Variants in PSG4 observed in about 807,000 individuals in gnomAD.
PSG4 encodes the protein pregnancy-specific beta-1-glycoprotein 4.
A neutral mutation model predicts 44.3 loss-of-function variants in PSG4; 61 were observed. That is an observed-to-expected ratio of 1.38 (90% confidence interval 1.12 to 1.70). The LOEUF is 1.70. Among genes scored for constraint, PSG4 ranks in the 40% most tolerant of loss-of-function variants. PSG4 has a pLI of 0.00. For missense variants in PSG4, 677 were observed against 511.7 expected, an observed-to-expected ratio of 1.32 and a Z score of -3.12; for synonymous variants, 248 against 191.3, an observed-to-expected ratio of 1.30 and a Z score of -2.45.
chr19:43,203,927 C>T lies in PSG4; in HGVS notation c.389G>A (p.Gly130Glu), dbSNP rs775902373. 1 of 1,585,140 alleles carries T rather than the reference C, an allele frequency of 6.3e-7. No individual in the cohort carries two copies. The highest frequency in any genetic ancestry group is 1.4e-5 in the African/African-American group (1 of 69,426). The change falls in exon 2 of 6, where the codon GGG becomes GAG. Residue 130 changes from glycine (G) to glutamate (E), a missense_variant. Physicochemically the swap from Gly to Glu is moderately conservative, Grantham distance 98. Transcript: ENST00000405312. ...YTLHIIKRRD[G>E]TGGVTGHFTF... is the part of the protein sequence containing the mutation. ...GAAATGTCCAGTTACTCCTCCAGTC[C>T]CATCGCGTCGCTTTATGATGTGTAA...
chr19:43,204,734 C>T (rs1322389472), intron 1 of PSG4: 2 of 304,132 alleles, frequency 6.6e-6, no homozygotes, highest in Non-Finnish European at 1.2e-5. Flanking sequence ...AGGACAGGGA[C>T]TTTTGTGATC....
intron 3 of PSG4, 132 bp from the exon 4 acceptor site, chr19:43,195,405 T>C (rs1967199710): frequency 7.0e-7 from 1 of 1,425,886 alleles, no homozygotes; most frequent in East Asian, 2.3e-5. Context: ...CTGGTGCTTC[T>C]GTCACAAGAT....
intron 2 of PSG4, among the ~76,000 whole-genome samples, chr19:43,199,400 T>C (rs535256597): frequency 2.7e-5 from 4 of 145,722 alleles, no homozygotes; most frequent in East Asian, 4.7e-4. Context: ...CCTGTACAGC[T>C]TCATGCCTAT....
At chr19:43,203,775 G>T in intron 2 of PSG4, 111 bp downstream of exon 2, 1 of 1,502,716 alleles carries the variant, frequency 6.7e-7, no homozygotes. Flanking sequence ...CCCAGCATGG[G>T]ACTTAATGCA....
chr19:43,198,405 T>C, intron 2 of PSG4, 130 bp from the exon 3 acceptor site: 1 of 1,420,156 alleles, frequency 7.0e-7, no homozygotes, highest in Non-Finnish European at 9.3e-7. Flanking sequence ...GGAAGATGTG[T>C]GTGTTAAAGA....
At position 43,204,066 on chromosome 19, in the gene PSG4, C is replaced by G; in HGVS notation, c.250G>C (p.Val84Leu). ...YLYHYITSYVVDGQRIIYGPA... is the reference protein window; with the variant it reads ...YLYHYITSYVLDGQRIIYGPA... ...CCATATATAATTCTTTGACCGTCTA[C>G]TACATATGATGTAATGTAATGGTAG... is the stretch of plus-strand genomic sequence containing the variant. Residue 84 changes from valine to leucine, a missense_variant, in exon 2 of 6, where the codon GTA becomes CTA. Physicochemically the swap from Val to Leu is conservative, Grantham distance 32. Coordinates refer to ENST00000405312, the MANE Select transcript of PSG4 (RefSeq NM_002780.5). The G allele has an allele frequency of 6.3e-7, 1 of 1,586,274 alleles. No homozygotes were observed. Among genetic ancestry groups the G allele is most frequent in the Non-Finnish European group, 8.5e-7 (1 of 1,170,544 alleles).
intron 5 of PSG4, chr19:43,193,914 G>T (rs1337296313): frequency 5.6e-6 from 4 of 718,980 alleles, no homozygotes; most frequent in Non-Finnish European, 1.0e-5. Flanking sequence ...TTCTGGGGCA[G>T]TCAGGTAGAG....
In PSG4 at chr19:43,204,240, T is replaced by A; in HGVS notation, c.76A>T (p.Asn26Tyr). 6.3e-7 allele frequency: 1 copy of A among 1,576,004 alleles called. No homozygotes were observed. Among genetic ancestry groups the A allele is most frequent in the Non-Finnish European group, 8.6e-7 (1 of 1,165,520 alleles). Residue 26 changes from asparagine (N) to tyrosine (Y), a missense_variant, in exon 2 of 6, where the codon AAC becomes TAC. Physicochemically the swap from Asn to Tyr is moderately radical, Grantham distance 143 (BLOSUM62 -2). Transcript: ENST00000405312. Reference sequence around the variant, plus strand: ...GCAGTTGTGGGCGGATTCCAGAAGTTTAAAAGTGATGCTAGGAGGTACAGA... The same window carrying A: ...GCAGTTGTGGGCGGATTCCAGAAGTATAAAAGTGATGCTAGGAGGTACAGA... ...KGVLLTASLLNFWNPPTTAQV... is the reference protein window; with the variant it reads ...KGVLLTASLLYFWNPPTTAQV...
At position 43,198,168 on chromosome 19, in the gene PSG4, A is replaced by C. The variant is rs757503957; in HGVS notation, c.538T>G (p.Trp180Gly). The C allele has an allele frequency of 6.3e-7, 1 of 1,587,894 alleles. No individual in the cohort carries two copies. Among genetic ancestry groups the C allele is most frequent in the Non-Finnish European group, 8.5e-7 (1 of 1,171,936 alleles). The change falls in exon 3 of 6, where the codon TGG becomes GGG. Residue 180 changes from tryptophan (W) to glycine (G), a missense_variant. Trp to Gly is a radical substitution (Grantham distance 184). Transcript: ENST00000405312. ...GGGAGGCTCTGACCATTCATCCACC[A>C]CTGGTAGCTTGCGGCTGGAGTCGCA... ...DPATPAASYQ[W>G]WMNGQSLPMT...
At chr19:43,201,518 G>A (rs1461139167) in intron 2 of PSG4, among the ~76,000 whole-genome samples, 4 of 145,128 alleles carry the variant, frequency 2.8e-5, no homozygotes, top group Admixed American at 6.8e-5. Context: ...TCTGGCAACC[G>A]GCTGACCTCA....
chr19:43,195,670 G>C lies in PSG4; in HGVS notation c.710-397C>G, dbSNP rs533448555. Among the ~76,000 whole-genome samples the C allele has an allele frequency of 1.1e-3, 173 of 151,462 alleles. 9 individuals carry two copies. The highest frequency in any genetic ancestry group is 3.9e-3 in the African/African-American group (162 of 41,168). ...TCCATCCTCCTTTGCCCCCCTAGATGAGATTTCTCTGCAGCTTCCATTTCA... is the reference window on the plus strand; with the variant it reads ...TCCATCCTCCTTTGCCCCCCTAGATCAGATTTCTCTGCAGCTTCCATTTCA... On this transcript the variant is annotated intron_variant, in intron 3 of 5. Coordinates refer to ENST00000405312, the MANE Select transcript of PSG4 (RefSeq NM_002780.5).
chr19:43,194,339 C>G lies in PSG4; in HGVS notation c.1243+1G>C. ...TGCCAAGGATGCTGGGATCCACTTACCAGAGACTTTGACTGTGATGGATTT... is the reference window on the plus strand; with the variant it reads ...TGCCAAGGATGCTGGGATCCACTTAGCAGAGACTTTGACTGTGATGGATTT... On this transcript the variant is annotated splice_donor_variant, in intron 5 of 5. Coordinates refer to ENST00000405312, the MANE Select transcript of PSG4 (RefSeq NM_002780.5). LOFTEE classifies it high-confidence loss of function. 4 of 1,612,276 alleles carry G rather than the reference C, an allele frequency of 2.5e-6. No individual in the cohort carries two copies. The highest frequency in any genetic ancestry group is 3.4e-6 in the Non-Finnish European group (4 of 1,179,068).
chr19:43,205,111 C>CTTTTTTTTTT lies in PSG4; in HGVS notation c.64+352_64+361dup, dbSNP rs59165427. On this transcript the variant is annotated intron_variant, in intron 1 of 5. Coordinates refer to ENST00000405312, the MANE Select transcript of PSG4 (RefSeq NM_002780.5). ...TTCTTTTTTCTTTTTTTCCTTTTTT[C>CTTTTTTTTTT]TTTTTTTTTTTTTTGAGACGGAGTC... Among the ~76,000 whole-genome samples the CTTTTTTTTTT allele has an allele frequency of 8.5e-3, 771 of 90,764 alleles. 142 individuals carry two copies. Among genetic ancestry groups the CTTTTTTTTTT allele is most frequent in the African/African-American group, 0.038 (729 of 19,348 alleles). 59.5% of individuals were successfully genotyped at this position (90,764 alleles called of 152,430 possible). A position where few individuals can be genotyped will look rare whatever the true frequency, so the allele number is the denominator to read the frequency against.
At chr19:43,193,473 A>T (rs1967096562) in intron 5 of PSG4, 85 bp from the exon 6 acceptor site, 9 of 760,636 alleles carry the variant, frequency 1.2e-5, no homozygotes, top group Admixed American at 1.7e-5. Context: ...TTTTCCACAT[A>T]ATTTTTCTCT....
At chr19:43,198,390 C>T in intron 2 of PSG4, 115 bp from the exon 3 acceptor site, 2 of 1,451,974 alleles carry the variant, frequency 1.4e-6, no homozygotes, top group Non-Finnish European at 1.8e-6. Flanking sequence ...TCCTTAAAAG[C>T]CCATGGAAGA....
At position 43,201,708 on chromosome 19, in the gene PSG4, C is replaced by A. The variant is rs537271406; in HGVS notation, c.430+2178G>T. The stretch of plus-strand genomic sequence containing the variant: ...AAACTGTCCTTGAAAATCTCTAACC[C>A]CTGCTCCACTGGGGAGGCTGATTTG... On this transcript the variant is annotated intron_variant, in intron 2 of 5. Transcript: ENST00000405312. Among the ~76,000 whole-genome samples, 96 of 145,620 alleles carry A rather than the reference C, an allele frequency of 6.6e-4. 15 individuals carry two copies. The highest frequency in any genetic ancestry group is 1.9e-3 in the African/African-American group (74 of 38,098).
intron 1 of PSG4, 138 bp from the exon 2 acceptor site, chr19:43,204,389 G>C: frequency 1.7e-6 from 2 of 1,178,676 alleles, no homozygotes; most frequent in Non-Finnish European, 2.3e-6. Flanking sequence ...CACACTAAAG[G>C]GGCGTGAGTG....
chr19:43,202,634 G>A (rs555835659), intron 2 of PSG4, among the ~76,000 whole-genome samples: 1 of 144,774 alleles, frequency 6.9e-6, no homozygotes, highest in Admixed American at 6.9e-5. Context: ...ATCTTCTCAT[G>A]ACAGTGACAT....
rs761020628 is a variant in PSG4, at chr19:43,194,626, G to T, written c.989-32C>A. 10 of 1,588,522 alleles carry T rather than the reference G, an allele frequency of 6.3e-6. No homozygotes were observed. In the South Asian group the frequency reaches 1.0e-4, roughly 16 times the overall value. On this transcript the variant is annotated intron_variant, in intron 4 of 5. Transcript: ENST00000405312. ...CAAAGAGAATAAAGCCATAGGTGAT[G>T]TCATCCGAGGGAAGGGGATGTTCCT...
Sources: allele counts gnomAD v4.1 joint callset (sites outside exome capture counted in the v4.1 genomes callset), GRCh38; gene constraint gnomAD v4.1.1; transcripts MANE v1.5; gene names NCBI Gene and HGNC (gene_info 2026-07-23, HGNC 2026-07-21).